The following NAV1 variants were observed in gnomAD, a reference collection of about 807,000 sequenced individuals.
NAV1 encodes neuron navigator 1.
A neutral mutation model predicts 175.2 loss-of-function variants in NAV1; 18 were observed. The observed-to-expected ratio is 0.10, with a 90% CI of 0.07 to 0.15. The LOEUF (loss-of-function observed/expected upper bound fraction) is 0.15, where lower values mean the gene tolerates loss of function less well. Ranked by LOEUF, NAV1 falls within the 10% of genes least tolerant of loss-of-function variation. The pLI is 1.00. For missense variants in NAV1, 1,731 were observed against 2,436.6 expected, an observed-to-expected ratio of 0.71 and a Z score of 6.10; for synonymous variants, 897 against 978.7, an observed-to-expected ratio of 0.92 and a Z score of 1.56.
chr1:201,569,569 A>C (rs1482024544), intron 1 of NAV1, among the ~76,000 whole-genome samples: 2 of 152,190 alleles, frequency 1.3e-5, no homozygotes, highest in Admixed American at 6.5e-5. Context: ...AGCTGACATC[A>C]TATAAGATGC....
chr1:201,732,222 G>A (rs1040419337), intron 3 of NAV1, among the ~76,000 whole-genome samples: 3 of 151,932 alleles, frequency 2.0e-5, no homozygotes, highest in South Asian at 2.1e-4. Flanking sequence ...CAATCCTCCC[G>A]CCTCAGCCTC....
rs1057415713 is a variant in NAV1, at chr1:201,787,045, C to T, written c.2995+468C>T. Among the ~76,000 whole-genome samples, 4 of 152,244 alleles carry T rather than the reference C, an allele frequency of 2.6e-5. No individual in the cohort carries two copies. The highest frequency in any genetic ancestry group is 2.0e-4 in the Admixed American group (3 of 15,292). ...CAGCCAAGTCCAGATTCCTCAACTGCTCTGGCTGAGCCCAGGCCATCCTAA... is the reference window on the plus strand; with the variant it reads ...CAGCCAAGTCCAGATTCCTCAACTGTTCTGGCTGAGCCCAGGCCATCCTAA... On this transcript the variant is annotated intron_variant, in intron 9 of 29. Transcript: ENST00000367296. The surrounding 1 kb of genome is among the most constrained non-coding windows in gnomAD (Gnocchi z 4.3).
intron 1 of NAV1, among the ~76,000 whole-genome samples, chr1:201,659,958 A>C (rs368345615): frequency 6.6e-6 from 1 of 152,140 alleles, no homozygotes; most frequent in Non-Finnish European, 1.5e-5. Flanking sequence ...ATGTTTTGCC[A>C]TAGAGGATCT....
intron 2 of NAV1, among the ~76,000 whole-genome samples, chr1:201,600,670 G>A (rs1221205058): frequency 6.6e-6 from 1 of 151,756 alleles, no homozygotes; most frequent in Non-Finnish European, 1.5e-5. Context: ...AGGTGAGGGA[G>A]TGACAAAAAA....
At chr1:201,650,406 C>T (rs918529787) in intron 1 of NAV1, among the ~76,000 whole-genome samples, 3 of 152,204 alleles carry the variant, frequency 2.0e-5, no homozygotes, top group Non-Finnish European at 4.4e-5. Flanking sequence ...GGAACAAGGA[C>T]GGTGGGGCCT....
rs115713682 is a variant in NAV1, at chr1:201,666,664, G to T, written c.757+17239G>T. On this transcript the variant is annotated intron_variant, in intron 1 of 29. Transcript: ENST00000367296. ...TCCTTGGCTTACTGCCTGCCTGGAA[G>T]ATGTTGCCTACCTGTACCCTGGGGG... 6.5e-3 allele frequency among the ~76,000 whole-genome samples: 997 copies of T among 152,318 alleles called. 15 individuals carry two copies. Among genetic ancestry groups the T allele is most frequent in the African/African-American group, 0.023 (962 of 41,572 alleles).
chr1:201,743,663 C>G (rs1460892269), intron 3 of NAV1, among the ~76,000 whole-genome samples: 2 of 151,988 alleles, frequency 1.3e-5, no homozygotes, highest in Non-Finnish European at 2.9e-5. Context: ...TTTTTAGCAT[C>G]TTTTTCTTCC....
chr1:201,769,981 C>G (rs1190107792), intron 3 of NAV1, among the ~76,000 whole-genome samples: 1 of 152,186 alleles, frequency 6.6e-6, no homozygotes, highest in Non-Finnish European at 1.5e-5. Context: ...GCTACAGAAG[C>G]AATAAGGATT....
intron 17 of NAV1, 106 bp downstream of exon 21, chr1:201,804,603 T>A (rs1400874): frequency 0.079 from 48,986 of 616,302 alleles, 2,584 homozygotes; most frequent in Non-Finnish European, 0.094. Flanking sequence ...AAAAAAAAAA[T>A]GAATGACCAC....
chr1:201,812,073 G>A lies in NAV1; in HGVS notation c.5024+99G>A. 8.5e-7 allele frequency: 1 copy of A among 1,180,536 alleles called. No homozygotes were observed. The highest frequency in any genetic ancestry group is 1.3e-6 in the Non-Finnish European group (1 of 791,020). 73.1% of individuals were successfully genotyped at this position (1,180,536 alleles called of 1,614,324 possible). ...CAGTAGATAGGAGAAGGAAAGAGAA[G>A]TATCCAGAGCTTTTTGGGCTGGAAA... On this transcript the variant is annotated intron_variant, in intron 26 of 29. Transcript: ENST00000367296. The surrounding 1 kb of genome is among the most constrained non-coding windows in gnomAD (Gnocchi z 4.6).
intron 1 of NAV1, among the ~76,000 whole-genome samples, chr1:201,692,529 A>G (rs529426818): frequency 6.6e-6 from 1 of 152,304 alleles, no homozygotes; most frequent in East Asian, 1.9e-4. Flanking sequence ...ATGCAGGAAA[A>G]TCTTTAGAGT....
At chr1:201,642,560 C>CTTTCTTTCTTTCTTTCTTT (rs1491393436) in intron 2 of NAV1, among the ~76,000 whole-genome samples, 3 of 32,892 alleles carry the variant, frequency 9.1e-5, no homozygotes, top group African/African-American at 4.3e-4. Context: ...TTTCTTTTTT[C>CTTTCTTTCTTTCTTTCTTT]CCTTTCTTCC....
chr1:201,593,649 G>A (rs1667271395), intron 2 of NAV1, among the ~76,000 whole-genome samples: 2 of 152,192 alleles, frequency 1.3e-5, no homozygotes, highest in Admixed American at 6.5e-5. Context: ...CACGATATGT[G>A]CAGTCATTTG....
intron 3 of NAV1, among the ~76,000 whole-genome samples, chr1:201,775,184 T>G (rs1675857271): frequency 6.6e-6 from 1 of 152,182 alleles, no homozygotes; most frequent in Non-Finnish European, 1.5e-5. Context: ...CTGGAGACAT[T>G]TTCTGGAGAG....
At position 201,788,685 on chromosome 1, in the gene NAV1, G is replaced by A; in HGVS notation, c.3166+47G>A. 6.5e-7 allele frequency: 1 copy of A among 1,547,292 alleles called. No homozygotes were observed. The highest frequency in any genetic ancestry group is 8.8e-7 in the Non-Finnish European group (1 of 1,141,484). ...GTTCACGCTCATTCCAGCTCTGCTG[G>A]GTCCCCTCACCCACCACCTCCACTC... On this transcript the variant is annotated intron_variant, in intron 10 of 29. Coordinates refer to ENST00000367296, the Ensembl canonical transcript of NAV1. This position sits in a 1 kb window ranked among gnomAD's most constrained non-coding sequence, Gnocchi z 5.7.
exon 30 of NAV1, chr1:201,821,949 A>C (rs1021749844): frequency 5.9e-5 from 9 of 152,632 alleles, no homozygotes; most frequent in African/African-American, 2.2e-4. Context: ...CAGAATCTAT[A>C]GGCATACCAA....
chr1:201,620,347 G>T (rs1668125689), upstream of NAV1, among the ~76,000 whole-genome samples: 1 of 150,786 alleles, frequency 6.6e-6, no homozygotes. Context: ...ATCAAACTGA[G>T]TATTTTCATT....
intron 3 of NAV1, among the ~76,000 whole-genome samples, chr1:201,743,885 A>G (rs978257791): frequency 5.9e-5 from 9 of 152,142 alleles, no homozygotes; most frequent in African/African-American, 2.2e-4. Flanking sequence ...TTAAAACTTA[A>G]AAGATGATTT....
intron 15 of NAV1, among the ~76,000 whole-genome samples, chr1:201,802,469 A>AG (rs934584399): frequency 2.4e-5 from 3 of 126,938 alleles, no homozygotes; most frequent in African/African-American, 8.1e-5. Flanking sequence ...AAAAAAAAAA[A>AG]AAAAAAAGAA....
Sources: gnomAD v4.1 joint callset for allele counts (sites outside exome capture counted in the v4.1 genomes callset) on GRCh38, gnomAD v4.1.1 for gene constraint, Gnocchi (gnomAD v3.1) non-coding constraint, MANE v1.5 for transcripts, NCBI Gene and HGNC (gene_info 2026-07-23, HGNC 2026-07-21) for gene names.